Variants in SLC44A5 observed in about 807,000 individuals in gnomAD.
SLC44A5 encodes choline transporter-like protein 5.
SLC44A5 carries 57 observed loss-of-function variants against 101.8 expected under a neutral mutation model. The observed-to-expected ratio is 0.56, with a 90% CI of 0.45 to 0.70. The LOEUF (loss-of-function observed/expected upper bound fraction) is 0.70. Ranked by LOEUF, SLC44A5 falls within the 30% of genes least tolerant of loss-of-function variation. The pLI is 0.00. For synonymous variants in SLC44A5, 281 were observed against 290.9 expected (o/e 0.97, Z 0.35); for missense variants, 737 against 853.1 (o/e 0.86, Z 1.70).
At chr1:75,312,303 A>G (rs1242696271) in intron 4 of SLC44A5, among the ~76,000 whole-genome samples, 1 of 152,162 alleles carries the variant, frequency 6.6e-6, no homozygotes, top group Non-Finnish European at 1.5e-5. Flanking sequence ...TATTAATAGC[A>G]TGAGAACAGA....
intron 4 of SLC44A5, among the ~76,000 whole-genome samples, chr1:75,302,126 T>G (rs534243740): frequency 3.5e-5 from 5 of 140,968 alleles, no homozygotes; most frequent in African/African-American, 1.3e-4. Context: ...TTTTTTTTTT[T>G]TTTTTTTTTT....
chr1:75,270,280 A>G (rs1163231266), intron 6 of SLC44A5, among the ~76,000 whole-genome samples: 1 of 152,132 alleles, frequency 6.6e-6, no homozygotes, highest in Non-Finnish European at 1.5e-5. Flanking sequence ...ATTTAGAGTA[A>G]CTTATTAAAA....
chr1:75,660,706 C>T, the SLC44A5 span, among the ~76,000 whole-genome samples: 1 of 152,034 alleles, frequency 6.6e-6, no homozygotes, highest in Non-Finnish European at 1.5e-5. Context: ...AAAGCAAGCC[C>T]ATTTACAATA....
At chr1:75,323,959 T>C (rs1194971962) in intron 4 of SLC44A5, among the ~76,000 whole-genome samples, 1 of 152,218 alleles carries the variant, frequency 6.6e-6, no homozygotes, top group African/African-American at 2.4e-5. Flanking sequence ...CTGATGTTTT[T>C]CTAACCCCAG....
At chr1:75,629,691 A>G in the SLC44A5 span, among the ~76,000 whole-genome samples, 1 of 152,222 alleles carries the variant, frequency 6.6e-6, no homozygotes, top group African/African-American at 2.4e-5. Flanking sequence ...ACACATTATC[A>G]GCAAAAATAA....
At chr1:75,296,670 A>G (rs1396081071) in intron 5 of SLC44A5, among the ~76,000 whole-genome samples, 4 of 151,776 alleles carry the variant, frequency 2.6e-5, no homozygotes, top group South Asian at 2.1e-4. Context: ...TTCCAATCAC[A>G]TCTTTCTCAT....
intron 2 of SLC44A5, among the ~76,000 whole-genome samples, chr1:75,471,876 G>A (rs1570378226): frequency 7.3e-6 from 1 of 136,360 alleles, no homozygotes; most frequent in African/African-American, 2.7e-5. Flanking sequence ...AACCACTAAG[G>A]CTTTTTTTTC....
intron 13 of SLC44A5, among the ~76,000 whole-genome samples, chr1:75,224,712 A>G (rs190042547): frequency 1.1e-3 from 166 of 152,168 alleles, no homozygotes; most frequent in African/African-American, 3.7e-3. Context: ...CTAGGATTAT[A>G]GGCATGAGCC....
chr1:75,385,060 G>A (rs191710406), intron 3 of SLC44A5, among the ~76,000 whole-genome samples: 63 of 152,296 alleles, frequency 4.1e-4, no homozygotes, highest in African/African-American at 1.4e-3. Context: ...TCAAAGCAGC[G>A]TGTAGAGGGA....
the SLC44A5 span, among the ~76,000 whole-genome samples, chr1:75,646,440 C>T: frequency 2.5e-4 from 38 of 152,116 alleles, no homozygotes; most frequent in African/African-American, 8.9e-4. Context: ...CTTAACGTGA[C>T]ATGAGAACCT....
the SLC44A5 span, among the ~76,000 whole-genome samples, chr1:75,673,684 G>A: frequency 6.6e-6 from 1 of 152,130 alleles, no homozygotes; most frequent in Non-Finnish European, 1.5e-5. Context: ...GAGTGCTTGT[G>A]CCATCCTTCC....
chr1:75,291,827 T>C (rs1653571070), intron 5 of SLC44A5, among the ~76,000 whole-genome samples: 1 of 151,824 alleles, frequency 6.6e-6, no homozygotes. Context: ...CTGGCTAACA[T>C]GGTGAAACCC....
chr1:75,221,841 AT>A lies in SLC44A5; in HGVS notation c.1085+519del, dbSNP rs377317280. Among the ~76,000 whole-genome samples the A allele has an allele frequency of 5.8e-3, 885 of 152,222 alleles. 11 individuals are homozygous for A. Among genetic ancestry groups the A allele is most frequent in the African/African-American group, 0.021 (855 of 41,532 alleles). On this transcript the variant is annotated intron_variant, in intron 14 of 23. Transcript: ENST00000370859. ...TTTACCCTTATTCTACCCAATGATTATTGAGGTTTGGGGATATTAAAGGACT... is the reference window on the plus strand; with the variant it reads ...TTTACCCTTATTCTACCCAATGATTATGAGGTTTGGGGATATTAAAGGACT...
intron 1 of SLC44A5, among the ~76,000 whole-genome samples, chr1:75,566,082 A>T (rs186544762): frequency 6.6e-6 from 1 of 152,232 alleles, no homozygotes; most frequent in Non-Finnish European, 1.5e-5. Context: ...GTAATAAGGC[A>T]GTTCTGAAAT....
intron 2 of SLC44A5, among the ~76,000 whole-genome samples, chr1:75,434,763 C>T (rs545374711): frequency 2.6e-5 from 4 of 152,242 alleles, no homozygotes; most frequent in African/African-American, 9.6e-5. Flanking sequence ...ATTACTCCAT[C>T]CATGGTTTGG....
chr1:75,722,714 C>T, the SLC44A5 span, among the ~76,000 whole-genome samples: 1 of 152,196 alleles, frequency 6.6e-6, no homozygotes, highest in South Asian at 2.1e-4. Flanking sequence ...TCCCCTGGCC[C>T]TTTCCTTAAA....
At chr1:75,719,477 A>T in the SLC44A5 span, among the ~76,000 whole-genome samples, 3 of 152,110 alleles carry the variant, frequency 2.0e-5, no homozygotes, top group Non-Finnish European at 4.4e-5. Context: ...GAGAAAAAAA[A>T]ATCTTAGATT....
At chr1:75,405,737 G>C (rs1662807041) in intron 2 of SLC44A5, among the ~76,000 whole-genome samples, 1 of 152,142 alleles carries the variant, frequency 6.6e-6, no homozygotes, top group South Asian at 2.1e-4. Context: ...AGCACCAAGT[G>C]CCCACAGGAG....
intron 12 of SLC44A5, among the ~76,000 whole-genome samples, chr1:75,233,402 C>T (rs1300501483): frequency 6.6e-6 from 1 of 152,072 alleles, no homozygotes; most frequent in Non-Finnish European, 1.5e-5. Flanking sequence ...TCTACGTCCA[C>T]GTGTACTCAT....
Sources: gnomAD v4.1 joint callset for allele counts (sites outside exome capture counted in the v4.1 genomes callset) on GRCh38, gnomAD v4.1.1 for gene constraint, MANE v1.5 for transcripts, NCBI Gene and HGNC (gene_info 2026-07-23, HGNC 2026-07-21) for gene names.